Variants in SLC37A1 observed in about 807,000 individuals in gnomAD.
The protein encoded by SLC37A1 is glucose-6-phosphate exchanger SLC37A1.
A neutral mutation model predicts 75.3 loss-of-function variants in SLC37A1; 49 were observed. The observed-to-expected ratio is 0.65, with a 90% confidence interval of 0.52 to 0.83. The LOEUF (loss-of-function observed/expected upper bound fraction) is 0.83, where lower values mean the gene tolerates loss of function less well. Among genes scored for constraint, SLC37A1 ranks in the 40% least tolerant of loss-of-function variants. SLC37A1 has a pLI of 0.00. For synonymous variants in SLC37A1, 268 were observed against 292.1 expected (o/e 0.92, Z 0.84); for missense variants, 566 against 695.0 (o/e 0.81, Z 2.09).
In SLC37A1 at chr21:42,566,967, C is replaced by T. The variant is rs1267464016; in HGVS notation, c.1271-18C>T. The T allele has an allele frequency of 1.2e-6, 2 of 1,602,142 alleles. No individual in the cohort carries two copies. The highest frequency in any genetic ancestry group is 1.7e-6 in the Non-Finnish European group (2 of 1,178,874). On this transcript the variant is annotated intron_variant, in intron 15 of 19. Transcript: ENST00000352133. ...CTGGAGGGCACATTTCCATTCTTTG[C>T]CCCTCTGCCTCCCACAGCCATGCTG...
chr21:42,520,819 A>G (rs964927533), intron 2 of SLC37A1, among the ~76,000 whole-genome samples: 18 of 152,234 alleles, frequency 1.2e-4, no homozygotes, highest in Admixed American at 1.0e-3. Context: ...GGGGCAGGGC[A>G]AGGAATAGAT....
chr21:42,575,228 C>T (rs1036845172), intron 18 of SLC37A1: 2 of 983,506 alleles, frequency 2.0e-6, no homozygotes, highest in Non-Finnish European at 2.4e-6. Flanking sequence ...GTAACCTCTG[C>T]TCCACAGTTT....
chr21:42,506,230 T>G (rs1022586170), intron 2 of SLC37A1, among the ~76,000 whole-genome samples: 1 of 152,250 alleles, frequency 6.6e-6, no homozygotes, highest in African/African-American at 2.4e-5. Context: ...TAGGCATATT[T>G]GATTTTTAAA....
Position 42,554,041 on chromosome 21 carries a change from TG to T in SLC37A1, c.769-20del, listed in dbSNP as rs780848430. On this transcript the variant is annotated intron_variant, in intron 9 of 19. Transcript: ENST00000352133. ...AGCTGTTGAATCAGTATCGCTCTAA[TG>T]AAACTTTTTTTTTTACCAGCACTCA... The T allele has an allele frequency of 3.8e-6, 6 of 1,598,896 alleles. No homozygotes were observed. The highest frequency in any genetic ancestry group is 1.1e-5 in the South Asian group (1 of 88,332).
At chr21:42,553,414 A>G (rs1225205913) in intron 9 of SLC37A1, among the ~76,000 whole-genome samples, 1 of 152,246 alleles carries the variant, frequency 6.6e-6, no homozygotes, top group East Asian at 1.9e-4. Context: ...AATTATTTTT[A>G]TACCATTAAT....
In SLC37A1 at chr21:42,545,345, A is replaced by G. The variant is rs17115071; in HGVS notation, c.730+1743A>G. On this transcript the variant is annotated intron_variant, in intron 8 of 19. Coordinates refer to ENST00000352133, the MANE Select transcript of SLC37A1 (RefSeq NM_001320537.2). The surrounding 1 kb of genome is among the most constrained non-coding windows in gnomAD (Gnocchi z 4.0). ...CTGTGACAACAGTGGCTGGATGCTG[A>G]GTCTGAGAACAGGAGCTCTTTGCAG... Among the ~76,000 whole-genome samples, 19,222 of 152,216 alleles carry G rather than the reference A, an allele frequency of 0.13. 1,824 individuals carry two copies. Among genetic ancestry groups the G allele is most frequent in the African/African-American group, 0.27 (11,083 of 41,500 alleles).
chr21:42,501,966 GAACCACGTGTCC>G (rs2054345888), intron 1 of SLC37A1, among the ~76,000 whole-genome samples: 2 of 152,144 alleles, frequency 1.3e-5, no homozygotes, highest in Non-Finnish European at 2.9e-5. Flanking sequence ...GTGGCATGCT[GAACCACGTGTCC>G]ATGATTTTCC....
At chr21:42,511,315 C>G (rs950739989), upstream of SLC37A1, among the ~76,000 whole-genome samples, 3 of 152,058 alleles carry the variant, frequency 2.0e-5, no homozygotes, top group African/African-American at 7.3e-5. Flanking sequence ...CATACCAAAA[C>G]GTATGGGATG....
chr21:42,547,206 C>T lies in SLC37A1; in HGVS notation c.768+66C>T. 6.4e-7 allele frequency: 1 copy of T among 1,573,990 alleles called. No individual in the cohort carries two copies. Among genetic ancestry groups the T allele is most frequent in the Non-Finnish European group, 8.7e-7 (1 of 1,143,498 alleles). On this transcript the variant is annotated intron_variant, in intron 9 of 19. Transcript: ENST00000352133. The surrounding 1 kb of genome is among the most constrained non-coding windows in gnomAD (Gnocchi z 6.1). ...CGGTTCTGACCACTTCCCCAGCCTGCTCCTGCCTGTGCGGTGTCAGACAGA... is the reference window on the plus strand; with the variant it reads ...CGGTTCTGACCACTTCCCCAGCCTGTTCCTGCCTGTGCGGTGTCAGACAGA...
At position 42,516,676 on chromosome 21, in the gene SLC37A1, C is replaced by A. The variant is rs542457970; in HGVS notation, c.-178-1601C>A. On this transcript the variant is annotated intron_variant, in intron 1 of 19. Coordinates refer to ENST00000352133, the MANE Select transcript of SLC37A1 (RefSeq NM_001320537.2). ...AAAAGAAATCAAAGAGGTTTTTTTT[C>A]CCTTCTTGATTTGTCAGTGCCTTCT... Among the ~76,000 whole-genome samples, 20 of 152,132 alleles carry A rather than the reference C, an allele frequency of 1.3e-4. No individual in the cohort carries two copies. In the South Asian group the frequency reaches 4.1e-3, roughly 32 times the overall value.
In SLC37A1 at chr21:42,564,649, C is replaced by T. The variant is rs1428575003; in HGVS notation, c.1136-59C>T. ...TCTCCGAGCTCCTGCAGTTCTGCTT[C>T]CTCCCCGTGGGCTCATGCCCTGGGA... On this transcript the variant is annotated intron_variant, in intron 13 of 19. Coordinates refer to ENST00000352133, the MANE Select transcript of SLC37A1 (RefSeq NM_001320537.2). 2.2e-6 allele frequency: 3 copies of T among 1,392,942 alleles called. No individual in the cohort carries two copies. The Admixed American group carries it at 5.1e-5, about 24-fold the overall frequency. 86.3% of individuals were successfully genotyped at this position (1,392,942 alleles called of 1,614,324 possible).
intron 8 of SLC37A1, among the ~76,000 whole-genome samples, chr21:42,544,132 G>A (rs1255916353): frequency 6.6e-6 from 1 of 152,198 alleles, no homozygotes; most frequent in East Asian, 1.9e-4. Flanking sequence ...TAGAGATCCA[G>A]CAGGCTCTGG....
In SLC37A1 at chr21:42,574,885, G is replaced by A; in HGVS notation, c.1491G>A (p.Met497Ile). 1 of 1,614,196 alleles carries A rather than the reference G, an allele frequency of 6.2e-7. No homozygotes were observed. Among genetic ancestry groups the A allele is most frequent in the Non-Finnish European group, 8.5e-7 (1 of 1,180,018 alleles). ...CCGGCTGGAGCAATGTGTTTTACAT[G>A]CTGATGTTTGCAGATGCCTGTGCCT... ...SPSGWSNVFYMLMFADACALL... is the reference protein window; with the variant it reads ...SPSGWSNVFYILMFADACALL... The change falls in exon 18 of 20, where the codon ATG becomes ATA. Residue 497 changes from methionine (M) to isoleucine (I), a missense_variant. Met to Ile is a conservative substitution (Grantham distance 10). Transcript: ENST00000352133.
intron 18 of SLC37A1, chr21:42,575,970 A>G (rs2056299261): frequency 1.0e-6 from 1 of 982,964 alleles, no homozygotes; most frequent in Non-Finnish European, 1.2e-6. Flanking sequence ...AATCTGAAAT[A>G]TCTTCTTTAG....
chr21:42,512,939 A>G (rs529300152), upstream of SLC37A1, among the ~76,000 whole-genome samples: 1 of 152,256 alleles, frequency 6.6e-6, no homozygotes, highest in Non-Finnish European at 1.5e-5. Context: ...GGGAAGCTCA[A>G]CGTGCCTGGG....
chr21:42,533,581 A>G (rs887181481), intron 3 of SLC37A1, among the ~76,000 whole-genome samples: 9 of 151,454 alleles, frequency 5.9e-5, no homozygotes, highest in African/African-American at 1.5e-4. Flanking sequence ...CTGCCTCCCA[A>G]CGAGAAGCAC....
intron 1 of SLC37A1, among the ~76,000 whole-genome samples, 156 bp from the exon 2 acceptor site, chr21:42,518,121 G>T (rs550480696): frequency 3.3e-5 from 5 of 152,290 alleles, no homozygotes; most frequent in African/African-American, 9.6e-5. Flanking sequence ...CCTCTTCCTA[G>T]TAACACTGCT....
At chr21:42,521,486 C>T (rs1286973705) in intron 2 of SLC37A1, among the ~76,000 whole-genome samples, 9 of 152,216 alleles carry the variant, frequency 5.9e-5, no homozygotes, top group African/African-American at 2.2e-4. Flanking sequence ...TTCTTTATTC[C>T]TTATTTGCAT....
At chr21:42,574,025 ACACACACACATG>A (rs1016792229) in intron 17 of SLC37A1, among the ~76,000 whole-genome samples, 10 of 152,008 alleles carry the variant, frequency 6.6e-5, no homozygotes, top group Non-Finnish European at 1.2e-4. Context: ...CCGTGTTTTT[ACACACACACATG>A]CACACACACA....
Sources: gnomAD v4.1 joint callset for allele counts (sites outside exome capture counted in the v4.1 genomes callset) on GRCh38, gnomAD v4.1.1 for gene constraint, Gnocchi (gnomAD v3.1) non-coding constraint, MANE v1.5 for transcripts, NCBI Gene and HGNC (gene_info 2026-07-23, HGNC 2026-07-21) for gene names.